ZNF749: variants seen among roughly 807,000 people sequenced by gnomAD.
ZNF749 encodes zinc finger protein 749.
A neutral mutation model predicts 7.3 loss-of-function variants in ZNF749; 8 were observed. The observed-to-expected ratio is 1.10, with a 90% CI of 0.64 to 1.98. ZNF749 has a LOEUF of 1.98. Among genes scored for constraint, ZNF749 ranks in the 30% most tolerant of loss-of-function variants. The probability of loss-of-function intolerance (pLI) is 0.00; values close to 1 mark genes in which losing one functional copy is unlikely to be tolerated. For synonymous variants in ZNF749, 310 were observed against 322.4 expected (o/e 0.96, Z 0.41); for missense variants, 898 against 932.4 (o/e 0.96, Z 0.48).
chr19:57,430,039 T>G, the ZNF749 span, among the ~76,000 whole-genome samples: 1 of 152,344 alleles, frequency 6.6e-6, no homozygotes, highest in East Asian at 1.9e-4. Context: ...GCCCTGTAGC[T>G]GCCTATCCAG....
At position 57,445,336 on chromosome 19, in the gene ZNF749, G is replaced by A. The variant is rs911129683; in HGVS notation, c.2188G>A (p.Gly730Arg). Residue 730 changes from glycine to arginine, a missense_variant, in exon 3 of 3, where the codon GGG (glycine) becomes AGG (arginine). By Grantham distance (125) the Gly-to-Arg change is moderately radical. Transcript: ENST00000334181. ...AAGTCCTTTTAAGTTAAGGGAATGT[G>A]GGAAAGACTTCAACAAATGTAATAC... is the stretch of plus-strand genomic sequence containing the variant. ...GESPFKLREC[G>R]KDFNKCNTGQ... 1 of 1,613,734 alleles carries A rather than the reference G, an allele frequency of 6.2e-7. No individual in the cohort carries two copies. The highest frequency in any genetic ancestry group is 8.5e-7 in the Non-Finnish European group (1 of 1,179,794).
the ZNF749 span, among the ~76,000 whole-genome samples, chr19:57,430,199 G>A: frequency 4.9e-4 from 75 of 152,278 alleles, no homozygotes; most frequent in African/African-American, 1.6e-3. Context: ...TTATTGGCTC[G>A]TAGTTTGGAG....
At chr19:57,429,817 T>A in the ZNF749 span, among the ~76,000 whole-genome samples, 1 of 152,140 alleles carries the variant, frequency 6.6e-6, no homozygotes, top group Admixed American at 6.6e-5. This position sits in a 1 kb window ranked among gnomAD's most constrained non-coding sequence, Gnocchi z 4.2. Flanking sequence ...GGTGGCTGCA[T>A]CATTTTACAT....
Position 57,446,427 on chromosome 19 carries a change from C to A in ZNF749, c.*942C>A, listed in dbSNP as rs577863667. Among the ~76,000 whole-genome samples the A allele has an allele frequency of 2.6e-5, 4 of 152,300 alleles. No homozygotes were observed. Among genetic ancestry groups the A allele is most frequent in the African/African-American group, 7.2e-5 (3 of 41,566 alleles). On this transcript the variant is annotated 3_prime_UTR_variant, in exon 3 of 3. Coordinates refer to ENST00000334181, the MANE Select transcript of ZNF749 (RefSeq NM_001023561.4). ...TTGGGGACCGCTGCTTTAAACTACTCCTCTTCCTCATTCCCTACGCCAACC... is the reference window on the plus strand; with the variant it reads ...TTGGGGACCGCTGCTTTAAACTACTACTCTTCCTCATTCCCTACGCCAACC...
In ZNF749 at chr19:57,444,468, C is replaced by T; in HGVS notation, c.1320C>T (p.Cys440=). The T allele has an allele frequency of 6.2e-7, 1 of 1,614,056 alleles. No homozygotes were observed. Among genetic ancestry groups the T allele is most frequent in the Non-Finnish European group, 8.5e-7 (1 of 1,179,916 alleles). Residue 440 remains cysteine (C), a synonymous_variant, in exon 3 of 3, where the codon TGC becomes TGT. Coordinates refer to ENST00000334181, the MANE Select transcript of ZNF749 (RefSeq NM_001023561.4). ...ATACTGGAGAACGGCCTTATGAGTG[C>T]ACTGAATGTGAGAAGGCCTTTGTTA... ...KIHTGERPYE[C]TECEKAFVRK...
Position 57,444,074 on chromosome 19 carries a change from C to A in ZNF749, c.926C>A (p.Thr309Lys), listed in dbSNP as rs374326804. The A allele has an allele frequency of 1.2e-6, 2 of 1,614,024 alleles. No individual in the cohort carries two copies. The highest frequency in any genetic ancestry group is 1.7e-6 in the Non-Finnish European group (2 of 1,179,924). ...ECTQCGKAFL[T>K]QAHLVGHQKT... The stretch of plus-strand genomic sequence containing the variant: ...ACCCAGTGTGGGAAGGCCTTTCTTA[C>A]ACAGGCTCATCTGGTTGGTCACCAG... The change falls in exon 3 of 3, where the codon ACA becomes AAA. Residue 309 changes from threonine (T) to lysine (K), a missense_variant. Physicochemically the swap from Thr to Lys is moderately conservative, Grantham distance 78. Transcript: ENST00000334181.
chr19:57,444,285 A>G lies in ZNF749; in HGVS notation c.1137A>G (p.Glu379=), dbSNP rs1337342102. 1 of 1,614,232 alleles carries G rather than the reference A, an allele frequency of 6.2e-7. No individual in the cohort carries two copies. The change falls in exon 3 of 3, where the codon GAA becomes GAG. Residue 379 remains glutamate (E), a synonymous_variant. Coordinates refer to ENST00000334181, the MANE Select transcript of ZNF749 (RefSeq NM_001023561.4). ...LGRHQRVHTG[E]RPFECSICGK... The stretch of plus-strand genomic sequence containing the variant: ...GACATCAGAGAGTTCATACTGGAGA[A>G]AGGCCTTTTGAATGCAGCATATGTG...
rs1374282839 is a variant in ZNF749 at position 57,436,529 on chromosome 19, A to G, written c.15+936A>G. ...TGTTTCTGTTGAAAAAGAGGCCTGG[A>G]TGGATAAGGAGTTGCCCTGGAATAC... On this transcript the variant is annotated intron_variant, in intron 1 of 2. Transcript: ENST00000334181. The surrounding 1 kb of genome is among the most constrained non-coding windows in gnomAD (Gnocchi z 4.0). Among the ~76,000 whole-genome samples the G allele has an allele frequency of 2.0e-5, 3 of 152,256 alleles. No individual in the cohort carries two copies. In the East Asian group the frequency reaches 5.8e-4, roughly 29 times the overall value.
chr19:57,446,855 T>C lies in ZNF749; in HGVS notation c.*1370T>C, dbSNP rs1286825998. ...TGAAACACAATGATAAGTAAATGTG[T>C]ATCTAAACATATCTAAGTTTCCAAA... On this transcript the variant is annotated 3_prime_UTR_variant, in exon 3 of 3. Coordinates refer to ENST00000334181, the MANE Select transcript of ZNF749 (RefSeq NM_001023561.4). Among the ~76,000 whole-genome samples the C allele has an allele frequency of 2.6e-5, 4 of 152,182 alleles. No individual in the cohort carries two copies. The highest frequency in any genetic ancestry group is 5.9e-5 in the Non-Finnish European group (4 of 68,034).
At position 57,439,563 on chromosome 19, in the gene ZNF749, A is replaced by C. The variant is rs929917201; in HGVS notation, c.16-2322A>C. Among the ~76,000 whole-genome samples, 1 of 152,032 alleles carries C rather than the reference A, an allele frequency of 6.6e-6. No individual in the cohort carries two copies. Among genetic ancestry groups the C allele is most frequent in the African/African-American group, 2.4e-5 (1 of 41,384 alleles). ...AGAGGTGGGAAGATTGCTTGAGGCC[A>C]GCCTGGGCAACATAGGGAGACTCTG... On this transcript the variant is annotated intron_variant, in intron 1 of 2. Coordinates refer to ENST00000334181, the MANE Select transcript of ZNF749 (RefSeq NM_001023561.4). The surrounding 1 kb of genome is among the most constrained non-coding windows in gnomAD (Gnocchi z 4.3).
At chr19:57,443,148 G>A (rs1449334020) in intron 2 of ZNF749, 143 bp from the exon 3 acceptor site, 4 of 685,616 alleles carry the variant, frequency 5.8e-6, no homozygotes, top group South Asian at 1.9e-5. Context: ...TGAACACTGG[G>A]CCTTCCTCTC....
In ZNF749 at chr19:57,439,521, C is replaced by T. The variant is rs901086881; in HGVS notation, c.16-2364C>T. Among the ~76,000 whole-genome samples, 7 of 152,120 alleles carry T rather than the reference C, an allele frequency of 4.6e-5. No individual in the cohort carries two copies. The highest frequency in any genetic ancestry group is 4.6e-4 in the Admixed American group (7 of 15,278). ...GGCATGGTGGATCACACCTGTAATCCCAGCACTTTGGGAGGCAGAGGTGGG... is the reference window on the plus strand; with the variant it reads ...GGCATGGTGGATCACACCTGTAATCTCAGCACTTTGGGAGGCAGAGGTGGG... On this transcript the variant is annotated intron_variant, in intron 1 of 2. Coordinates refer to ENST00000334181, the MANE Select transcript of ZNF749 (RefSeq NM_001023561.4). The surrounding 1 kb of genome is among the most constrained non-coding windows in gnomAD (Gnocchi z 4.3).
intron 1 of ZNF749, 198 bp downstream of exon 1, chr19:57,435,791 C>T: frequency 8.8e-7 from 1 of 1,135,578 alleles, no homozygotes; most frequent in Non-Finnish European, 1.2e-6. Flanking sequence ...CTTGGAGGCA[C>T]TGCAGAACGG....
upstream of ZNF749, among the ~76,000 whole-genome samples, chr19:57,430,595 C>G (rs971713980): frequency 6.6e-6 from 1 of 152,206 alleles, no homozygotes; most frequent in Non-Finnish European, 1.5e-5. Context: ...TTAATTCATC[C>G]TGGGTCCAAG....
rs558143159 is a variant in ZNF749 at position 57,442,166 on chromosome 19, C to T, written c.142+155C>T. 6.6e-6 allele frequency among the ~76,000 whole-genome samples: 1 copy of T among 152,286 alleles called. No individual in the cohort carries two copies. The highest frequency in any genetic ancestry group is 2.1e-4 in the South Asian group (1 of 4,822). ...ATGTGATAAGGCAGCCAGAGCTGGG[C>T]TGTGTATACTGTACCACCTCCCCTT... On this transcript the variant is annotated intron_variant, in intron 2 of 2. Coordinates refer to ENST00000334181, the MANE Select transcript of ZNF749 (RefSeq NM_001023561.4). This position sits in a 1 kb window ranked among gnomAD's most constrained non-coding sequence, Gnocchi z 6.6.
chr19:57,446,497 A>T lies in ZNF749; in HGVS notation c.*1012A>T, dbSNP rs548124623. Among the ~76,000 whole-genome samples, 1 of 152,230 alleles carries T rather than the reference A, an allele frequency of 6.6e-6. No homozygotes were observed. Among genetic ancestry groups the T allele is most frequent in the Non-Finnish European group, 1.5e-5 (1 of 68,044 alleles). On this transcript the variant is annotated 3_prime_UTR_variant, in exon 3 of 3. Transcript: ENST00000334181. ...GTATGAATTTTACTATAAATATCTC[A>T]TATGAGGAAACTTAAGTTTTAGTCT...
intron 1 of ZNF749, among the ~76,000 whole-genome samples, chr19:57,440,103 T>C (rs1336973963): frequency 6.6e-6 from 1 of 151,942 alleles, no homozygotes; most frequent in East Asian, 1.9e-4. Flanking sequence ...CTGTGGAGTA[T>C]AAGGAAGGGC....
chr19:57,437,044 C>T (rs911654876), intron 1 of ZNF749, among the ~76,000 whole-genome samples: 5 of 151,850 alleles, frequency 3.3e-5, no homozygotes, highest in Non-Finnish European at 7.4e-5. Flanking sequence ...TTACCAATAA[C>T]TTATGTTAAA....
upstream of ZNF749, among the ~76,000 whole-genome samples, chr19:57,432,586 GT>G (rs373094014): frequency 1.4e-5 from 2 of 140,114 alleles, no homozygotes; most frequent in African/African-American, 2.7e-5. Flanking sequence ...AAAAAAAAAG[GT>G]GGGGGGGACT....
Sources: gnomAD v4.1 joint callset for allele counts (sites outside exome capture counted in the v4.1 genomes callset) on GRCh38, gnomAD v4.1.1 for gene constraint, Gnocchi (gnomAD v3.1) non-coding constraint, MANE v1.5 for transcripts, NCBI Gene and HGNC (gene_info 2026-07-23, HGNC 2026-07-21) for gene names.